Variants in PDE5A observed in about 807,000 individuals in gnomAD.
The protein encoded by PDE5A is cGMP-specific 3',5'-cyclic phosphodiesterase.
PDE5A carries 67 observed loss-of-function variants against 110.2 expected under a neutral mutation model. That is an observed-to-expected ratio of 0.61 (90% confidence interval 0.50 to 0.75). The LOEUF (loss-of-function observed/expected upper bound fraction) is 0.75. Ranked by LOEUF, PDE5A falls within the 30% of genes least tolerant of loss-of-function variation. The pLI is 0.00. For synonymous variants in PDE5A, 328 were observed against 351.2 expected (o/e 0.93, Z 0.74); for missense variants, 862 against 1,045.1 (o/e 0.82, Z 2.42).
intron 11 of PDE5A, among the ~76,000 whole-genome samples, chr4:119,526,609 A>G (rs964340697): frequency 6.6e-6 from 1 of 152,178 alleles, no homozygotes; most frequent in Non-Finnish European, 1.5e-5. Flanking sequence ...AATTTCAGCC[A>G]GGTTCTCAAA....
chr4:119,507,726 G>GGATGT, intron 15 of PDE5A, 22 bp from the exon 16 acceptor site: 9 of 1,476,608 alleles, frequency 6.1e-6, no homozygotes, highest in Non-Finnish European at 7.4e-6. Flanking sequence ...AAGAAAACCA[G>GGATGT]TATTAACATC....
At chr4:119,597,218 T>A (rs758959298) in intron 2 of PDE5A, among the ~76,000 whole-genome samples, 1 of 151,958 alleles carries the variant, frequency 6.6e-6, no homozygotes, top group African/African-American at 2.4e-5. Flanking sequence ...TTTCTAAGTA[T>A]GAATTAAAGA....
intron 1 of PDE5A, among the ~76,000 whole-genome samples, chr4:119,625,393 C>T (rs923822638): frequency 6.6e-6 from 1 of 152,138 alleles, no homozygotes; most frequent in African/African-American, 2.4e-5. Context: ...AAGGTCAACC[C>T]AAATTCACAG....
chr4:119,548,044 A>T (rs202056883), intron 9 of PDE5A, among the ~76,000 whole-genome samples: 72 of 94,742 alleles, frequency 7.6e-4, no homozygotes, highest in Admixed American at 1.4e-3. Context: ...TTCTCCGTGT[A>T]TTTTTTTTTT....
intron 1 of PDE5A, among the ~76,000 whole-genome samples, chr4:119,620,102 A>G (rs1730089927): frequency 6.6e-6 from 1 of 152,236 alleles, no homozygotes; most frequent in Admixed American, 6.5e-5. Context: ...TAACAACAAA[A>G]AAGTGTCACC....
At position 119,496,023 on chromosome 4, in the gene PDE5A, C is replaced by CAG. The variant is rs1725050368; in HGVS notation, c.*2576_*2577dup. The CAG allele has an allele frequency of 1.3e-5, 2 of 152,212 alleles. No homozygotes were observed. The highest frequency in any genetic ancestry group is 4.1e-4 in the South Asian group (2 of 4,828). The allele number at this position is 152,212 out of a possible 1,614,324, so 9.4% of individuals were successfully genotyped here. ...AAAAAGCACAACTTGTTTAGGCACA[C>CAG]AGAGGTTAAGTGACTTACACAAATC... On this transcript the variant is annotated 3_prime_UTR_variant, in exon 21 of 21. Coordinates refer to ENST00000354960, the MANE Select transcript of PDE5A (RefSeq NM_001083.4).
chr4:119,536,814 T>C (rs1211865484), intron 11 of PDE5A, among the ~76,000 whole-genome samples: 1 of 152,134 alleles, frequency 6.6e-6, no homozygotes, highest in Non-Finnish European at 1.5e-5. Context: ...CTGGATTTAG[T>C]ACTGGCACCA....
intron 13 of PDE5A, chr4:119,519,753 G>A (rs1726055762): frequency 6.6e-6 from 1 of 151,934 alleles, no homozygotes; most frequent in Non-Finnish European, 1.5e-5. Flanking sequence ...CTCTAAATAG[G>A]TTTTACAACA....
chr4:119,590,624 T>C (rs980966503), intron 3 of PDE5A, among the ~76,000 whole-genome samples: 29 of 152,212 alleles, frequency 1.9e-4, no homozygotes, highest in African/African-American at 6.0e-4. Flanking sequence ...CTATGATCCT[T>C]ACTTGTAAAA....
intron 3 of PDE5A, among the ~76,000 whole-genome samples, chr4:119,582,779 A>C (rs1044389436): frequency 6.6e-6 from 1 of 152,240 alleles, no homozygotes; most frequent in African/African-American, 2.4e-5. Flanking sequence ...GACTAGGTGT[A>C]CTGTCACAGA....
intron 3 of PDE5A, among the ~76,000 whole-genome samples, chr4:119,574,865 T>C (rs1321969822): frequency 6.6e-6 from 1 of 152,174 alleles, no homozygotes; most frequent in Non-Finnish European, 1.5e-5. Context: ...GTGTTGCCCA[T>C]GGGTGGTGAG....
Position 119,627,307 on chromosome 4 carries a change from C to G in PDE5A, c.152+1213G>C. 7.9e-7 allele frequency: 1 copy of G among 1,270,552 alleles called. No homozygotes were observed. Among genetic ancestry groups the G allele is most frequent in the Non-Finnish European group, 1.0e-6 (1 of 994,064 alleles). 78.7% of individuals were successfully genotyped at this position (1,270,552 alleles called of 1,614,324 possible). A position where few individuals can be genotyped will look rare whatever the true frequency, so the allele number is the denominator to read the frequency against. On this transcript the variant is annotated intron_variant, in intron 1 of 20. Transcript: ENST00000354960. This position sits in a 1 kb window ranked among gnomAD's most constrained non-coding sequence, Gnocchi z 4.6. ...GAACCAGCTCCCTCACGGCCCCGGC[C>G]TCCGCGCCGCCGCCCGTCGCCTCCC... is the stretch of plus-strand genomic sequence containing the variant.
At chr4:119,518,582 G>A (rs1345776299) in intron 14 of PDE5A, among the ~76,000 whole-genome samples, 1 of 152,088 alleles carries the variant, frequency 6.6e-6, no homozygotes, top group Non-Finnish European at 1.5e-5. Flanking sequence ...AGGACATAAC[G>A]GTATAGAGAA....
chr4:119,560,762 T>C (rs1727719239), intron 6 of PDE5A, among the ~76,000 whole-genome samples: 1 of 152,248 alleles, frequency 6.6e-6, no homozygotes, highest in African/African-American at 2.4e-5. Context: ...AGATGTTTCA[T>C]TCAGTAATAC....
rs896028359 is a variant in PDE5A at position 119,542,554 on chromosome 4, C to A, written c.1477G>T (p.Glu493Ter). ...PFNRNDEQFL[E>*]AFVIFCGLGI... ...AAGCCACAAAAGATGACAAAAGCTT[C>A]CAGAAACTGTTCGTCATTTCGGTTG... The change falls in exon 10 of 21, where the codon GAA becomes TAA. Residue 493 changes from glutamate (E) to a stop codon, truncating the protein, a stop_gained. Transcript: ENST00000354960. LOFTEE classifies it high-confidence loss of function. 6.2e-7 allele frequency: 1 copy of A among 1,613,912 alleles called. No homozygotes were observed. Among genetic ancestry groups the A allele is most frequent in the African/African-American group, 1.3e-5 (1 of 74,906 alleles).
At chr4:119,523,291 G>A (rs991801862) in intron 12 of PDE5A, among the ~76,000 whole-genome samples, 34 of 152,034 alleles carry the variant, frequency 2.2e-4, no homozygotes, top group African/African-American at 7.7e-4. Context: ...ATCTGTTTCA[G>A]AGATCAGCAA....
chr4:119,568,352 T>C (rs1489848867), intron 3 of PDE5A, among the ~76,000 whole-genome samples: 3 of 152,142 alleles, frequency 2.0e-5, no homozygotes, highest in Non-Finnish European at 4.4e-5. Flanking sequence ...AATGTCTGGA[T>C]TGTAGTTACG....
chr4:119,564,916 G>C (rs556714510), intron 5 of PDE5A, among the ~76,000 whole-genome samples: 2 of 152,186 alleles, frequency 1.3e-5, no homozygotes, highest in South Asian at 4.1e-4. Flanking sequence ...AAGAGATAAA[G>C]AGAACAGGGG....
chr4:119,607,867 G>A (rs886680949), intron 1 of PDE5A, among the ~76,000 whole-genome samples: 1 of 152,134 alleles, frequency 6.6e-6, no homozygotes, highest in Non-Finnish European at 1.5e-5. Flanking sequence ...CAAGCATAAA[G>A]TCTGCTTCTC....
Sources: allele counts gnomAD v4.1 joint callset (sites outside exome capture counted in the v4.1 genomes callset), GRCh38; gene constraint gnomAD v4.1.1; non-coding constraint Gnocchi (gnomAD v3.1); transcripts MANE v1.5; gene names NCBI Gene and HGNC (gene_info 2026-07-23, HGNC 2026-07-21).